The following GNG4 variants were observed in gnomAD, a reference collection of about 807,000 sequenced individuals.
GNG4 encodes G protein subunit gamma 4, also known as guanine nucleotide-binding protein G(I)/G(S)/G(O) subunit gamma-4.
GNG4 carries 4 observed loss-of-function variants against 5.8 expected under a neutral mutation model. The ratio of observed to expected loss-of-function variants is 0.69; its 90% CI spans 0.34 to 1.57. GNG4 has a LOEUF of 1.57. Among genes scored for constraint, GNG4 ranks in the 40% most tolerant of loss-of-function variants. The probability of loss-of-function intolerance (pLI) is 0.06; values close to 1 mark genes in which losing one functional copy is unlikely to be tolerated. For missense variants in GNG4, 96 were observed against 95.1 expected (o/e 1.01, Z -0.04); for synonymous variants, 29 against 32.9 (o/e 0.88, Z 0.41).
rs969575677 is a variant in GNG4, at chr1:235,551,202, C to G, written c.*907G>C. 8 of 152,380 alleles carry G rather than the reference C, an allele frequency of 5.3e-5. No individual in the cohort carries two copies. The highest frequency in any genetic ancestry group is 7.3e-5 in the Non-Finnish European group (5 of 68,156). The allele number at this position is 152,380 out of a possible 1,614,324, so 9.4% of individuals were successfully genotyped here. A position where few individuals can be genotyped will look rare whatever the true frequency, so the allele number is the denominator to read the frequency against. On this transcript the variant is annotated 3_prime_UTR_variant, in exon 4 of 4. Coordinates refer to ENST00000391854, the MANE Select transcript of GNG4 (RefSeq NM_001098722.2). The stretch of plus-strand genomic sequence containing the variant: ...GGACCACTGAAACAAGGGACATCCA[C>G]CACGGCCCACAGCCGGGGCGCCACG...
chr1:235,638,319 T>G (rs1657195868), intron 1 of GNG4, among the ~76,000 whole-genome samples: 1 of 152,188 alleles, frequency 6.6e-6, no homozygotes, highest in South Asian at 2.1e-4. Context: ...AATGCAGTTT[T>G]ATTATTTTAC....
intron 1 of GNG4, among the ~76,000 whole-genome samples, chr1:235,603,569 T>G (rs1688299096): frequency 6.6e-6 from 1 of 152,090 alleles, no homozygotes; most frequent in Non-Finnish European, 1.5e-5. Flanking sequence ...CACTCCGACT[T>G]CAACCACTTT....
intron 1 of GNG4, among the ~76,000 whole-genome samples, chr1:235,606,854 G>A (rs370187764): frequency 6.6e-6 from 1 of 152,020 alleles, no homozygotes; most frequent in Admixed American, 6.5e-5. Flanking sequence ...AGCAGCATGG[G>A]GGGGCGAGCA....
At position 235,631,145 on chromosome 1, in the gene GNG4, C is replaced by T. The variant is rs1293518963; in HGVS notation, c.-123+18517G>A. On this transcript the variant is annotated intron_variant, in intron 1 of 3. Coordinates refer to ENST00000391854, the MANE Select transcript of GNG4 (RefSeq NM_001098722.2). ...AGCTCCTGACCTCAGGTGATCCGCC[C>T]TCCTCGGCCTCCCAAAGTGCTGGGA... Among the ~76,000 whole-genome samples, 3 of 152,100 alleles carry T rather than the reference C, an allele frequency of 2.0e-5. No individual in the cohort carries two copies. In the South Asian group the frequency reaches 6.2e-4, roughly 32 times the overall value.
chr1:235,616,600 G>A (rs930099244), intron 1 of GNG4, among the ~76,000 whole-genome samples: 6 of 152,158 alleles, frequency 3.9e-5, no homozygotes, highest in African/African-American at 1.4e-4. Flanking sequence ...CAGTCTCCAG[G>A]TAGTACCTCT....
intron 3 of GNG4, among the ~76,000 whole-genome samples, chr1:235,571,883 G>A (rs2841884): frequency 0.68 from 103,084 of 152,044 alleles, 35,371 homozygotes; most frequent in East Asian, 0.87. Context: ...TCTCATCCAG[G>A]CTGGAGTGCA....
At chr1:235,581,543 C>A (rs1687636993) in intron 3 of GNG4, among the ~76,000 whole-genome samples, 2 of 151,694 alleles carry the variant, frequency 1.3e-5, no homozygotes, top group Admixed American at 1.3e-4. Context: ...AGGTGTGTAT[C>A]GCCTCCCCCT....
chr1:235,612,690 G>A (rs1358154571), intron 1 of GNG4, among the ~76,000 whole-genome samples: 2 of 152,060 alleles, frequency 1.3e-5, no homozygotes, highest in African/African-American at 4.8e-5. Context: ...GCCTGGCTAA[G>A]TTTTGTATTT....
intron 1 of GNG4, among the ~76,000 whole-genome samples, chr1:235,611,129 T>TA (rs1271286399): frequency 2.0e-5 from 3 of 150,070 alleles, no homozygotes; most frequent in Non-Finnish European, 4.4e-5. Context: ...GCAAAAGAGA[T>TA]AAAATGTAGT....
intron 3 of GNG4, among the ~76,000 whole-genome samples, chr1:235,571,189 T>C (rs1687333478): frequency 6.6e-6 from 1 of 152,080 alleles, no homozygotes; most frequent in South Asian, 2.1e-4. Flanking sequence ...ACAAAATTAG[T>C]TTAACCCCAG....
intron 1 of GNG4, among the ~76,000 whole-genome samples, chr1:235,603,707 A>G (rs954619043): frequency 1.3e-5 from 2 of 152,202 alleles, no homozygotes; most frequent in African/African-American, 4.8e-5. Context: ...CAGATGCTAA[A>G]CAAGTCCAGG....
At chr1:235,612,930 G>A (rs996488359) in intron 1 of GNG4, among the ~76,000 whole-genome samples, 10 of 152,180 alleles carry the variant, frequency 6.6e-5, no homozygotes, top group East Asian at 1.9e-4. Context: ...TTTTCTGGGC[G>A]GCAGACTGTT....
At chr1:235,556,087 G>A (rs1470763629) in intron 3 of GNG4, among the ~76,000 whole-genome samples, 3 of 151,724 alleles carry the variant, frequency 2.0e-5, no homozygotes, top group Non-Finnish European at 4.4e-5. Flanking sequence ...GGCTGGTCTC[G>A]AACTCCTGAC....
Position 235,552,089 on chromosome 1 carries a change from C to A in GNG4, c.*20G>T. On this transcript the variant is annotated 3_prime_UTR_variant, in exon 4 of 4. Coordinates refer to ENST00000391854, the MANE Select transcript of GNG4 (RefSeq NM_001098722.2). ...GGACTTTGAAGGTCAGAAAAGGAGG[C>A]GTTTTCATCACACACGGAGTTAGAG... 2 of 1,612,058 alleles carry A rather than the reference C, an allele frequency of 1.2e-6. No homozygotes were observed. The highest frequency in any genetic ancestry group is 1.7e-6 in the Non-Finnish European group (2 of 1,178,562).
intron 2 of GNG4, among the ~76,000 whole-genome samples, chr1:235,588,245 C>T (rs1571898414): frequency 6.6e-6 from 1 of 152,022 alleles, no homozygotes; most frequent in African/African-American, 2.4e-5. Context: ...ATAAAATAAG[C>T]GGGTGGGTGA....
intron 3 of GNG4, among the ~76,000 whole-genome samples, chr1:235,579,866 T>TAAAAAAAAA: frequency 2.0e-5 from 1 of 50,326 alleles, no homozygotes; most frequent in Non-Finnish European, 3.6e-5. Context: ...AAAAAAAAGG[T>TAAAAAAAAA]AAAAAGGTTG....
chr1:235,622,305 G>A (rs1039861389), intron 1 of GNG4, among the ~76,000 whole-genome samples: 2 of 152,206 alleles, frequency 1.3e-5, no homozygotes, highest in African/African-American at 2.4e-5. Flanking sequence ...TCCAAGAGAC[G>A]TGAGTAGTGG....
At chr1:235,640,631 C>T (rs1657297829) in intron 1 of GNG4, among the ~76,000 whole-genome samples, 1 of 152,262 alleles carries the variant, frequency 6.6e-6, no homozygotes, top group African/African-American at 2.4e-5. Context: ...CCTTGCCAAG[C>T]TGCGTCCTTG....
chr1:235,553,040 T>G (rs1173706767), intron 3 of GNG4, among the ~76,000 whole-genome samples: 1 of 140,548 alleles, frequency 7.1e-6, no homozygotes, highest in African/African-American at 2.8e-5. Context: ...ATTACAGGCA[T>G]GAGCCACCGT....
Sources: gnomAD v4.1 joint callset for allele counts (sites outside exome capture counted in the v4.1 genomes callset) on GRCh38, gnomAD v4.1.1 for gene constraint, MANE v1.5 for transcripts, NCBI Gene and HGNC (gene_info 2026-07-23, HGNC 2026-07-21) for gene names.